MAST3: variants seen among roughly 807,000 people sequenced by gnomAD.
MAST3 encodes the protein microtubule associated serine/threonine kinase 3.
MAST3 carries 43 observed loss-of-function variants against 127.0 expected under a neutral mutation model. The observed-to-expected ratio is 0.34, with a 90% CI of 0.27 to 0.44. MAST3 has a LOEUF of 0.44. Ranked by LOEUF, MAST3 falls within the 20% of genes least tolerant of loss-of-function variation. The pLI is 1.00. For missense variants in MAST3, 1,390 were observed against 1,919.1 expected (o/e 0.72, Z 5.15); for synonymous variants, 785 against 809.2 (o/e 0.97, Z 0.51).
rs2038797668 is a variant in MAST3 at position 18,112,937 on chromosome 19, A to C, written c.161+2196A>C. Among the ~76,000 whole-genome samples, 1 of 152,030 alleles carries C rather than the reference A, an allele frequency of 6.6e-6. No homozygotes were observed. The highest frequency in any genetic ancestry group is 1.5e-5 in the Non-Finnish European group (1 of 67,988). The stretch of plus-strand genomic sequence containing the variant: ...CCATCACCCCCATTTAGTGAAGAAA[A>C]CAGGGGCATAGGACCTCAGAATGTG... On this transcript the variant is annotated intron_variant, in intron 3 of 27. Transcript: ENST00000687212. This position sits in a 1 kb window ranked among gnomAD's most constrained non-coding sequence, Gnocchi z 4.1.
intron 21 of MAST3, among the ~76,000 whole-genome samples, chr19:18,142,688 C>CT (rs1478687133): frequency 6.6e-6 from 1 of 151,058 alleles, no homozygotes; most frequent in Non-Finnish European, 1.5e-5. Flanking sequence ...GGTTCTCACT[C>CT]TGTCTCCCAG....
chr19:18,097,865 G>A, intron 1 of MAST3, 34 bp downstream of exon 1: 1 of 1,226,736 alleles, frequency 8.2e-7, no homozygotes, highest in Non-Finnish European at 1.0e-6. Context: ...GGAAGGCAGA[G>A]GGCGCGGCCA....
intron 27 of MAST3, among the ~76,000 whole-genome samples, chr19:18,148,308 A>C (rs927272254): frequency 1.5e-4 from 23 of 151,828 alleles, no homozygotes; most frequent in African/African-American, 5.6e-4. Flanking sequence ...TCTCAAAAAA[A>C]AAAATTAGGT....
chr19:18,141,167 T>C (rs1274510799), intron 20 of MAST3, among the ~76,000 whole-genome samples: 1 of 152,090 alleles, frequency 6.6e-6, no homozygotes, highest in Non-Finnish European at 1.5e-5. Flanking sequence ...CAAAAAATGC[T>C]CCACTCTGCT....
Position 18,147,441 on chromosome 19 carries a change from A to G in MAST3, c.3327-2A>G. ...CTGAAGCCTCCGGTTTTCTTACCCC[A>G]GGCGGAAGTCACTTTTCAAGAAGAT... On this transcript the variant is annotated splice_acceptor_variant, in intron 26 of 27. Transcript: ENST00000687212. LOFTEE classifies it high-confidence loss of function. The G allele has an allele frequency of 6.2e-7, 1 of 1,613,096 alleles. No homozygotes were observed. Among genetic ancestry groups the G allele is most frequent in the East Asian group, 2.2e-5 (1 of 44,840 alleles).
At chr19:18,113,692 C>T (rs892097980) in intron 3 of MAST3, among the ~76,000 whole-genome samples, 8 of 152,242 alleles carry the variant, frequency 5.3e-5, no homozygotes, top group African/African-American at 1.7e-4. Flanking sequence ...AAACTCCTGA[C>T]TTCAGGTGAT....
At position 18,131,659 on chromosome 19, in the gene MAST3, A is replaced by G. The variant is rs1408176146; in HGVS notation, c.1433-250A>G. On this transcript the variant is annotated intron_variant, in intron 14 of 27. Transcript: ENST00000687212. ...GGTTGCAGTGAGCCGAGATCGCGCC[A>G]CTGCACTCCAGCCTGGCGACAGAGC... Among the ~76,000 whole-genome samples, 3 of 150,482 alleles carry G rather than the reference A, an allele frequency of 2.0e-5. 1 individual carries two copies. Among genetic ancestry groups the G allele is most frequent in the Non-Finnish European group, 3.0e-5 (2 of 67,452 alleles).
chr19:18,143,105 C>A (rs1474011270), intron 21 of MAST3, among the ~76,000 whole-genome samples: 1 of 90,480 alleles, frequency 1.1e-5, no homozygotes, highest in Non-Finnish European at 2.2e-5. Context: ...GAGCGAGACT[C>A]TGTCTCAAAA....
At chr19:18,118,034 GC>G (rs1389011216) in intron 3 of MAST3, 1 of 867,566 alleles carries the variant, frequency 1.2e-6, no homozygotes, top group Non-Finnish European at 1.4e-6. Context: ...CTTCCTTCTC[GC>G]CGCCCCCCCA....
intron 1 of MAST3, among the ~76,000 whole-genome samples, chr19:18,099,373 T>TG (rs1210450631): frequency 5.1e-5 from 3 of 58,556 alleles, no homozygotes; most frequent in Non-Finnish European, 1.1e-4. Flanking sequence ...GTGGTGTTGG[T>TG]GGGGGGGCAG....
At chr19:18,122,327 C>T (rs778669536) in intron 5 of MAST3, among the ~76,000 whole-genome samples, 9 of 152,122 alleles carry the variant, frequency 5.9e-5, no homozygotes, top group Non-Finnish European at 1.2e-4. Context: ...CTCTGTGCTG[C>T]GGGCTGAGGG....
intron 18 of MAST3, among the ~76,000 whole-genome samples, chr19:18,136,416 G>T (rs1039152679): frequency 3.3e-5 from 5 of 152,058 alleles, no homozygotes; most frequent in Non-Finnish European, 5.9e-5. Flanking sequence ...GGCAGCCTGG[G>T]TGCTTTTTTA....
chr19:18,119,975 T>G (rs1302183982), intron 3 of MAST3, among the ~76,000 whole-genome samples: 1 of 152,114 alleles, frequency 6.6e-6, no homozygotes, highest in Non-Finnish European at 1.5e-5. Flanking sequence ...GATGCTCTTG[T>G]GGAGCAGAGC....
chr19:18,122,304 C>T (rs273484), intron 5 of MAST3, among the ~76,000 whole-genome samples: 10,930 of 152,160 alleles, frequency 0.072, 1,256 homozygotes, highest in African/African-American at 0.25. Context: ...ATTAAGCACC[C>T]ACTGTGTGTA....
At chr19:18,133,538 A>C (rs2041554787) in intron 15 of MAST3, among the ~76,000 whole-genome samples, 14 of 127,610 alleles carry the variant, frequency 1.1e-4, no homozygotes, top group South Asian at 5.2e-4. Context: ...CGCCACCACT[A>C]CGCCCAGCTA....
chr19:18,097,973 T>A (rs1662666102), intron 1 of MAST3, 142 bp downstream of exon 1: 1 of 620,798 alleles, frequency 1.6e-6, no homozygotes, highest in Admixed American at 4.6e-5. Flanking sequence ...CGCTTCTTTT[T>A]GACCACCCGC....
intron 1 of MAST3, 64 bp from the exon 2 acceptor site, chr19:18,107,523 C>A: frequency 6.5e-7 from 1 of 1,527,952 alleles, no homozygotes; most frequent in Non-Finnish European, 9.1e-7. Flanking sequence ...GGGGGTGCAT[C>A]AACGGCCAGG....
intron 3 of MAST3, among the ~76,000 whole-genome samples, chr19:18,114,498 G>T (rs968294861): frequency 6.6e-6 from 1 of 152,114 alleles, no homozygotes; most frequent in Admixed American, 6.6e-5. Context: ...CAACCCCAGA[G>T]ATTTAATTTC....
rs1398708883 is a variant in MAST3 at position 18,110,507 on chromosome 19, G to A, written c.72-145G>A. Reference sequence around the variant, plus strand: ...CCTCCCGGGCCATCGGTCTGGCCCCGCCCTCACGTCCTGAGCTGAACCCAG... The same window carrying A: ...CCTCCCGGGCCATCGGTCTGGCCCCACCCTCACGTCCTGAGCTGAACCCAG... On this transcript the variant is annotated intron_variant, in intron 2 of 27. Coordinates refer to ENST00000687212, the MANE Select transcript of MAST3 (RefSeq NM_001393504.1). The surrounding 1 kb of genome is among the most constrained non-coding windows in gnomAD (Gnocchi z 4.3). 1.2e-5 allele frequency: 11 copies of A among 883,998 alleles called. No individual in the cohort carries two copies. The highest frequency in any genetic ancestry group is 3.6e-5 in the African/African-American group (2 of 55,164). The allele number at this position is 883,998 out of a possible 1,614,324, so 54.8% of individuals were successfully genotyped here.
Sources: gnomAD v4.1 joint callset for allele counts (sites outside exome capture counted in the v4.1 genomes callset) on GRCh38, gnomAD v4.1.1 for gene constraint, Gnocchi (gnomAD v3.1) non-coding constraint, MANE v1.5 for transcripts, NCBI Gene and HGNC (gene_info 2026-07-23, HGNC 2026-07-21) for gene names.